The following ACBD5 variants were observed in gnomAD, a reference collection of about 807,000 sequenced individuals.
ACBD5 encodes the protein acyl-CoA-binding domain-containing protein 5.
In ACBD5, 40 loss-of-function variants were observed where a neutral mutation model predicts 71.8. The ratio of observed to expected loss-of-function variants is 0.56; its 90% confidence interval spans 0.43 to 0.72. The LOEUF (loss-of-function observed/expected upper bound fraction) is 0.72, where lower values mean the gene tolerates loss of function less well. Ranked by LOEUF, ACBD5 falls within the 30% of genes least tolerant of loss-of-function variation. The pLI, the probability that ACBD5 is intolerant of heterozygous loss-of-function variation, is 0.00. For synonymous variants in ACBD5, 229 were observed against 218.6 expected (o/e 1.05, Z -0.42); for missense variants, 559 against 644.5 (o/e 0.87, Z 1.44).
chr10:27,210,526 G>C (rs2060951343), intron 9 of ACBD5, among the ~76,000 whole-genome samples: 1 of 152,230 alleles, frequency 6.6e-6, no homozygotes. Context: ...GGGAGGCCGA[G>C]GTGGGTGGAT....
At chr10:27,184,369 G>A (rs2058511421) in intron 13 of ACBD5, among the ~76,000 whole-genome samples, 1 of 152,018 alleles carries the variant, frequency 6.6e-6, no homozygotes, top group South Asian at 2.1e-4. Context: ...CTTTTTCAAG[G>A]CACTTCAGAC....
chr10:27,191,170 A>G (rs2059061931), downstream of ACBD5, among the ~76,000 whole-genome samples: 1 of 152,192 alleles, frequency 6.6e-6, no homozygotes, highest in African/African-American at 2.4e-5. Context: ...GATGAATCTT[A>G]AGTGCATATT....
intron 4 of ACBD5, among the ~76,000 whole-genome samples, chr10:27,229,225 T>G (rs889577940): frequency 2.6e-5 from 4 of 152,060 alleles, no homozygotes; most frequent in African/African-American, 9.7e-5. Flanking sequence ...TAAAATATAG[T>G]TAAATTAATA....
chr10:27,208,459 C>T lies in ACBD5; in HGVS notation c.1205-14G>A, dbSNP rs2060706117. ...GCATCCTATGTCCTATTTTAAGAGG[C>T]AAAAATAAGCTTGTTTTAAATAATT... On this transcript the variant is annotated splice_polypyrimidine_tract_variant and intron_variant, in intron 9 of 12. Transcript: ENST00000396271. 1.2e-6 allele frequency: 2 copies of T among 1,612,170 alleles called. No individual in the cohort carries two copies. Among genetic ancestry groups the T allele is most frequent in the African/African-American group, 2.7e-5 (2 of 74,976 alleles).
chr10:27,226,449 TACACACACACACACAC>T (rs66967226), intron 4 of ACBD5, among the ~76,000 whole-genome samples: 6 of 134,944 alleles, frequency 4.4e-5, no homozygotes, highest in East Asian at 4.4e-4. Context: ...AGATACAGAC[TACACACACACACACAC>T]ACACACACAC....
intron 13 of ACBD5, among the ~76,000 whole-genome samples, chr10:27,187,632 G>A (rs1414221485): frequency 1.3e-5 from 2 of 151,740 alleles, no homozygotes; most frequent in Non-Finnish European, 2.9e-5. Flanking sequence ...CACACCTGTA[G>A]TCCCAGCTAC....
In ACBD5 at chr10:27,240,411, T is replaced by G. The variant is rs1308575643; in HGVS notation, c.89A>C (p.Gln30Pro). The change falls in exon 2 of 13, where the codon CAA (glutamine) becomes CCA (proline). Residue 30 changes from glutamine (Q) to proline (P), a missense_variant. Transcript: ENST00000396271. This position sits in a 1 kb window ranked among gnomAD's most constrained non-coding sequence, Gnocchi z 4.1. ...IPADRPWDRG[Q>P]HWQLEMADTR... ...GTCCGCCATCTCCAGCTGCCAGTGT[T>G]GGCCCCGGTCCCAAGGTCTGTCGGC... is the stretch of plus-strand genomic sequence containing the variant. The G allele has an allele frequency of 1.9e-6, 3 of 1,614,068 alleles. No homozygotes were observed. Among genetic ancestry groups the G allele is most frequent in the Non-Finnish European group, 2.5e-6 (3 of 1,180,020 alleles).
At chr10:27,189,774 A>T (rs1418677561) in intron 13 of ACBD5, among the ~76,000 whole-genome samples, 2 of 149,706 alleles carry the variant, frequency 1.3e-5, no homozygotes, top group Non-Finnish European at 3.0e-5. Context: ...ATAAAAATAT[A>T]TATATATATA....
rs760751123 is a variant in ACBD5 at position 27,218,079 on chromosome 10, G to A, written c.730C>T (p.His244Tyr). The change falls in exon 7 of 13, where the codon CAT (histidine) becomes TAT (tyrosine). Residue 244 changes from histidine to tyrosine, a missense_variant. His to Tyr is a moderately conservative substitution (Grantham distance 83). Transcript: ENST00000396271. ...GFVQDIQNDI[H>Y]ASSSLNGRST... ...CTGCCATTCAGGGAAGAACTGGCATGAATGTCATTCTGTATATCCTGAACA... is the reference window on the plus strand; with the variant it reads ...CTGCCATTCAGGGAAGAACTGGCATAAATGTCATTCTGTATATCCTGAACA... 3.1e-6 allele frequency: 5 copies of A among 1,614,002 alleles called. No homozygotes were observed. Among genetic ancestry groups the A allele is most frequent in the Non-Finnish European group, 4.2e-6 (5 of 1,179,998 alleles).
At chr10:27,209,064 AG>A (rs1296440581) in intron 9 of ACBD5, among the ~76,000 whole-genome samples, 4 of 151,890 alleles carry the variant, frequency 2.6e-5, no homozygotes, top group Non-Finnish European at 4.4e-5. Context: ...TTTACTAATA[AG>A]GTAACCAGAC....
chr10:27,241,922 GC>G (rs2065545632), upstream of ACBD5: 2 of 400,196 alleles, frequency 5.0e-6, no homozygotes, highest in African/African-American at 4.1e-5. Context: ...GAGTCCTGTA[GC>G]CCGGAAATCC....
At position 27,210,945 on chromosome 10, in the gene ACBD5, T is replaced by C. The variant is rs1445059372; in HGVS notation, c.1073A>G (p.Gln358Arg). 1.2e-6 allele frequency: 2 copies of C among 1,614,208 alleles called. No individual in the cohort carries two copies. The highest frequency in any genetic ancestry group is 1.7e-6 in the Non-Finnish European group (2 of 1,180,046). ...ACCTTTTCCTTCAACTGCAACCACC[T>C]GCATATTCCCAATGTTGCCATTTCC... ...PPGNGNIGNM[Q>R]VVAVEGKGEV... is the part of the protein sequence containing the mutation. Residue 358 changes from glutamine to arginine, a missense_variant, in exon 9 of 13, where the codon CAG (glutamine) becomes CGG (arginine). By Grantham distance (43) the Gln-to-Arg change is conservative. Coordinates refer to ENST00000396271, the MANE Select transcript of ACBD5 (RefSeq NM_145698.5).
At position 27,223,324 on chromosome 10, in the gene ACBD5, T is replaced by C. The variant is rs1589239397; in HGVS notation, c.490+14A>G. 1 of 1,576,916 alleles carries C rather than the reference T, an allele frequency of 6.3e-7. No homozygotes were observed. ...ATCAGTTGATGAATTTAAAAATAGG[T>C]AAAATAGTCCAACCTGAGGTTATAT... On this transcript the variant is annotated intron_variant, in intron 5 of 12. Transcript: ENST00000396271.
chr10:27,223,102 A>C, intron 5 of ACBD5: 1 of 684,780 alleles, frequency 1.5e-6, no homozygotes, highest in South Asian at 1.6e-5. Context: ...TTTGCCTGGA[A>C]TGAAAACTCC....
chr10:27,223,488 A>G (rs1378097647), intron 4 of ACBD5, 36 bp from the exon 5 acceptor site: 1 of 1,477,400 alleles, frequency 6.8e-7, no homozygotes, highest in African/African-American at 1.4e-5. Flanking sequence ...TGAAATCACA[A>G]ACTCTTAATT....
intron 13 of ACBD5, among the ~76,000 whole-genome samples, chr10:27,187,806 G>A (rs2058858966): frequency 2.0e-5 from 3 of 151,548 alleles, no homozygotes; most frequent in Non-Finnish European, 4.4e-5. Context: ...GTAGCAATTT[G>A]AATAGCTTGT....
intron 13 of ACBD5, among the ~76,000 whole-genome samples, chr10:27,187,499 C>A (rs2058837219): frequency 6.6e-6 from 1 of 152,148 alleles, no homozygotes; most frequent in Non-Finnish European, 1.5e-5. Context: ...TGCCTGTAAT[C>A]CCGGCACTTT....
downstream of ACBD5, chr10:27,195,111 CTTTAT>C (rs905874380): frequency 1.4e-4 from 38 of 278,972 alleles, no homozygotes; most frequent in Non-Finnish European, 1.8e-4. Context: ...AATAGCATGG[CTTTAT>C]TTTGAGAGTC....
At chr10:27,215,491 T>C (rs2061523653) in intron 8 of ACBD5, 44 bp downstream of exon 8, 3 of 1,372,892 alleles carry the variant, frequency 2.2e-6, no homozygotes, top group Non-Finnish European at 3.1e-6. Flanking sequence ...TGAATTCTAA[T>C]ACACCACTTT....
Sources: allele counts gnomAD v4.1 joint callset (sites outside exome capture counted in the v4.1 genomes callset), GRCh38; gene constraint gnomAD v4.1.1; non-coding constraint Gnocchi (gnomAD v3.1); transcripts MANE v1.5; gene names NCBI Gene and HGNC (gene_info 2026-07-23, HGNC 2026-07-21).